The following LPP variants were observed in gnomAD, a reference collection of about 807,000 sequenced individuals.
The protein encoded by LPP is LIM domain containing preferred translocation partner in lipoma, also known as lipoma-preferred partner.
A neutral mutation model predicts 60.4 loss-of-function variants in LPP; 38 were observed. The ratio of observed to expected loss-of-function variants is 0.63; its 90% CI spans 0.49 to 0.83. The LOEUF is 0.83. Ranked by LOEUF, LPP falls within the 40% of genes least tolerant of loss-of-function variation. The probability of loss-of-function intolerance (pLI) is 0.00; values close to 1 mark genes in which losing one functional copy is unlikely to be tolerated. For synonymous variants in LPP, 328 were observed against 290.8 expected (o/e 1.13, Z -1.30); for missense variants, 902 against 783.6 (o/e 1.15, Z -1.80).
At chr3:188,599,751 G>GGGGGTGT (rs374294307) in intron 6 of LPP, among the ~76,000 whole-genome samples, 25 of 139,826 alleles carry the variant, frequency 1.8e-4, no homozygotes, top group Admixed American at 7.2e-5. Flanking sequence ...ACTCGTTAGG[G>GGGGGTGT]GTGTGTGTGT....
At chr3:188,564,095 A>G (rs941837718) in intron 6 of LPP, among the ~76,000 whole-genome samples, 1 of 152,056 alleles carries the variant, frequency 6.6e-6, no homozygotes, top group Non-Finnish European at 1.5e-5. Flanking sequence ...GCAATGCACT[A>G]AAAAATACCT....
At chr3:188,465,713 A>G (rs1800212272) in intron 4 of LPP, among the ~76,000 whole-genome samples, 1 of 152,056 alleles carries the variant, frequency 6.6e-6, no homozygotes, top group Non-Finnish European at 1.5e-5. Context: ...ATGTGTGTAT[A>G]TTTACTCTTA....
intron 6 of LPP, among the ~76,000 whole-genome samples, chr3:188,603,348 T>TG (rs1335649132): frequency 5.1e-5 from 2 of 39,352 alleles, no homozygotes; most frequent in Non-Finnish European, 1.4e-4. Flanking sequence ...AAGAATTTTG[T>TG]GGTTTTTTTT....
intron 5 of LPP, among the ~76,000 whole-genome samples, chr3:188,506,890 C>G (rs979947364): frequency 1.3e-5 from 2 of 152,010 alleles, no homozygotes; most frequent in Non-Finnish European, 2.9e-5. Context: ...CTCCGCCTCC[C>G]GGGTTCACGC....
chr3:188,408,614 A>G (rs1174220995), intron 4 of LPP, among the ~76,000 whole-genome samples: 1 of 152,120 alleles, frequency 6.6e-6, no homozygotes, highest in Non-Finnish European at 1.5e-5. Flanking sequence ...TCCACATCTT[A>G]TTCTTTGACT....
intron 9 of LPP, among the ~76,000 whole-genome samples, chr3:188,804,281 A>ATATATG (rs1324970065): frequency 2.3e-5 from 3 of 127,950 alleles, no homozygotes; most frequent in African/African-American, 8.6e-5. Context: ...ATATATATAT[A>ATATATG]TAAAATGGAA....
chr3:188,283,111 T>G (rs1742680251), intron 2 of LPP, among the ~76,000 whole-genome samples: 1 of 152,098 alleles, frequency 6.6e-6, no homozygotes, highest in Non-Finnish European at 1.5e-5. Context: ...TAATCCTGTC[T>G]CTCTAGAGGC....
At chr3:188,256,909 T>C (rs959792395) in intron 2 of LPP, among the ~76,000 whole-genome samples, 3 of 152,230 alleles carry the variant, frequency 2.0e-5, no homozygotes. Context: ...AATAGGCCTC[T>C]CACATTTATC....
At chr3:188,456,482 A>G (rs1017112973) in intron 4 of LPP, among the ~76,000 whole-genome samples, 2 of 152,244 alleles carry the variant, frequency 1.3e-5, no homozygotes, top group African/African-American at 2.4e-5. Flanking sequence ...ATCATTTGAT[A>G]AAGATATCAG....
Position 188,650,988 on chromosome 3 carries a change from C to T in LPP, c.1113+41144C>T, listed in dbSNP as rs77160227. On this transcript the variant is annotated intron_variant, in intron 7 of 11. Transcript: ENST00000617246. ...GAAAAGGCTTGACCCTCTATAAAAA[C>T]GAATTAATCCTGAAGGAGAAGAAAA... is the stretch of plus-strand genomic sequence containing the variant. Among the ~76,000 whole-genome samples, 790 of 152,010 alleles carry T rather than the reference C, an allele frequency of 5.2e-3. 1 individual carries two copies. The highest frequency in any genetic ancestry group is 0.014 in the Middle Eastern group (4 of 294).
intron 10 of LPP, among the ~76,000 whole-genome samples, chr3:188,869,735 C>T (rs1767599958): frequency 6.6e-6 from 1 of 152,190 alleles, no homozygotes; most frequent in African/African-American, 2.4e-5. Context: ...GTGCCCATGG[C>T]CTGCACTTTG....
intron 1 of LPP, among the ~76,000 whole-genome samples, chr3:188,196,421 C>G (rs1460418310): frequency 6.6e-6 from 1 of 152,182 alleles, no homozygotes; most frequent in African/African-American, 2.4e-5. Context: ...GTCCTTCACT[C>G]TTGCCTCTGA....
At chr3:188,848,210 T>TA (rs1359237735) in intron 9 of LPP, among the ~76,000 whole-genome samples, 1 of 152,214 alleles carries the variant, frequency 6.6e-6, no homozygotes, top group Non-Finnish European at 1.5e-5. Flanking sequence ...TGTGGGGTGA[T>TA]ACAGGCAGAA....
At chr3:188,476,304 A>G (rs1047378336) in intron 4 of LPP, among the ~76,000 whole-genome samples, 1 of 152,174 alleles carries the variant, frequency 6.6e-6, no homozygotes, top group Non-Finnish European at 1.5e-5. Context: ...ATGTAGATCA[A>G]CATCATTATT....
At chr3:188,689,272 T>C (rs575351433) in intron 7 of LPP, among the ~76,000 whole-genome samples, 7 of 152,290 alleles carry the variant, frequency 4.6e-5, no homozygotes, top group Admixed American at 2.6e-4. Context: ...AGGGCCAGAA[T>C]TGGGTTCTGG....
At position 188,667,477 on chromosome 3, in the gene LPP, C is replaced by CAAA. The variant is rs558923211; in HGVS notation, c.1114-40780_1114-40778dup. On this transcript the variant is annotated intron_variant, in intron 7 of 11. Coordinates refer to ENST00000617246, the MANE Select transcript of LPP (RefSeq NM_001375462.1). Reference sequence around the variant, plus strand: ...TGGGTGACAGAGCGATACTCTGTCTCAAAAAAAAAAAACATCTTTGGTAGC... The same window carrying CAAA: ...TGGGTGACAGAGCGATACTCTGTCTCAAAAAAAAAAAAAAACATCTTTGGTAGC... 5.1e-3 allele frequency among the ~76,000 whole-genome samples: 708 copies of CAAA among 139,402 alleles called. 4 individuals are homozygous for CAAA. The highest frequency in any genetic ancestry group is 0.017 in the African/African-American group (654 of 37,552). 91.5% of individuals were successfully genotyped at this position (139,402 alleles called of 152,430 possible).
intron 2 of LPP, among the ~76,000 whole-genome samples, chr3:188,254,220 CA>C (rs1341853125): frequency 6.6e-6 from 1 of 152,252 alleles, no homozygotes; most frequent in African/African-American, 2.4e-5. Context: ...AAAGCCAAAA[CA>C]GATGAAGCTG....
intron 4 of LPP, among the ~76,000 whole-genome samples, chr3:188,458,448 A>G (rs1560430829): frequency 6.6e-6 from 1 of 152,208 alleles, no homozygotes; most frequent in East Asian, 1.9e-4. Context: ...GGGTGTTACT[A>G]TTATAATTTT....
chr3:188,557,655 T>C (rs1249664875), intron 6 of LPP, among the ~76,000 whole-genome samples: 4 of 152,124 alleles, frequency 2.6e-5, no homozygotes, highest in Non-Finnish European at 5.9e-5. Context: ...CCACAAACAC[T>C]GTACATTGGC....
Sources: gnomAD v4.1 joint callset for allele counts (sites outside exome capture counted in the v4.1 genomes callset) on GRCh38, gnomAD v4.1.1 for gene constraint, MANE v1.5 for transcripts, NCBI Gene and HGNC (gene_info 2026-07-23, HGNC 2026-07-21) for gene names.